AGBL1: variants seen among roughly 807,000 people sequenced by gnomAD.
The protein encoded by AGBL1 is AGBL carboxypeptidase 1, also known as cytosolic carboxypeptidase 4.
AGBL1 carries 130 observed loss-of-function variants against 118.9 expected under a neutral mutation model. The observed-to-expected ratio is 1.09, with a 90% CI of 0.95 to 1.26. The LOEUF (loss-of-function observed/expected upper bound fraction) is 1.26. Among genes scored for constraint, AGBL1 ranks in the 50% most tolerant of loss-of-function variants. AGBL1 has a pLI of 0.00. For missense variants in AGBL1, 1,584 were observed against 1,298.1 expected (o/e 1.22, Z -3.38); for synonymous variants, 555 against 478.9 (o/e 1.16, Z -2.08).
intron 5 of AGBL1, among the ~76,000 whole-genome samples, chr15:86,181,957 G>T (rs1271715532): frequency 6.6e-6 from 1 of 152,010 alleles, no homozygotes; most frequent in East Asian, 1.9e-4. Flanking sequence ...ATTAGATCAT[G>T]CATTCATTCA....
chr15:86,119,733 G>A (rs4887292), intron 1 of AGBL1, among the ~76,000 whole-genome samples: 9,448 of 151,854 alleles, frequency 0.062, 446 homozygotes, highest in South Asian at 0.12. Flanking sequence ...GTAGATAAAA[G>A]TTGTCCAGTA....
At chr15:86,964,852 A>C (rs560399295) in intron 23 of AGBL1, among the ~76,000 whole-genome samples, 16 of 151,424 alleles carry the variant, frequency 1.1e-4, no homozygotes, top group Non-Finnish European at 2.2e-4. Flanking sequence ...TCATTGTTCA[A>C]CTCCCACTTA....
At position 86,804,015 on chromosome 15, in the gene AGBL1, A is replaced by G. The variant is rs142012396; in HGVS notation, c.3159-103072A>G. On this transcript the variant is annotated intron_variant, in intron 22 of 22. Transcript: ENST00000614907. ...GTGCTTATAACAAGTCTGTTATCCA[A>G]TGGTTTGGTGAGTAGATTTCAGGAA... Among the ~76,000 whole-genome samples, 16 of 152,224 alleles carry G rather than the reference A, an allele frequency of 1.1e-4. No individual in the cohort carries two copies. In the East Asian group the frequency reaches 2.5e-3, roughly 24 times the overall value.
chr15:86,712,944 C>A (rs572154097), intron 22 of AGBL1, among the ~76,000 whole-genome samples: 1 of 152,100 alleles, frequency 6.6e-6, no homozygotes, highest in African/African-American at 2.4e-5. Flanking sequence ...CTGCATGATG[C>A]GATTTTAACA....
At position 86,279,626 on chromosome 15, in the gene AGBL1, C is replaced by T; in HGVS notation, c.2076-13C>T. 2 of 1,612,270 alleles carry T rather than the reference C, an allele frequency of 1.2e-6. No individual in the cohort carries two copies. The highest frequency in any genetic ancestry group is 1.7e-6 in the Non-Finnish European group (2 of 1,178,512). ...CTCCCTTATTCTCTTCTCTTCTCCTCCTCTCTCTTTAGAAATCATTATCGC... is the reference window on the plus strand; with the variant it reads ...CTCCCTTATTCTCTTCTCTTCTCCTTCTCTCTCTTTAGAAATCATTATCGC... On this transcript the variant is annotated splice_polypyrimidine_tract_variant and intron_variant, in intron 15 of 22. Coordinates refer to ENST00000614907, the MANE Select transcript of AGBL1 (RefSeq NM_001386094.1).
At chr15:86,208,713 C>T (rs752827831) in intron 5 of AGBL1, among the ~76,000 whole-genome samples, 1 of 151,936 alleles carries the variant, frequency 6.6e-6, no homozygotes, top group Non-Finnish European at 1.5e-5. Flanking sequence ...TCTCTCTTTT[C>T]TTCTTTATTA....
intron 17 of AGBL1, among the ~76,000 whole-genome samples, chr15:86,365,493 TG>T (rs1293938516): frequency 6.6e-6 from 1 of 152,160 alleles, no homozygotes; most frequent in Non-Finnish European, 1.5e-5. Context: ...AACAACTGTT[TG>T]GAAAAATAAA....
Position 86,418,788 on chromosome 15 carries a change from C to G in AGBL1, c.2555+21242C>G, listed in dbSNP as rs375840875. Among the ~76,000 whole-genome samples, 258 of 152,188 alleles carry G rather than the reference C, an allele frequency of 1.7e-3. 2 individuals are homozygous for G. Among genetic ancestry groups the G allele is most frequent in the African/African-American group, 6.1e-3 (252 of 41,522 alleles). On this transcript the variant is annotated intron_variant, in intron 18 of 22. Coordinates refer to ENST00000614907, the MANE Select transcript of AGBL1 (RefSeq NM_001386094.1). ...TGAGAACTTGCAGCACTTAGTCTTA[C>G]CTGTCCTCAGAATAGATCATTCATC... is the stretch of plus-strand genomic sequence containing the variant.
intron 5 of AGBL1, among the ~76,000 whole-genome samples, chr15:86,164,064 A>T (rs1428579124): frequency 6.6e-6 from 1 of 152,214 alleles, no homozygotes; most frequent in Non-Finnish European, 1.5e-5. Context: ...AGTTTCTCTC[A>T]CTGGAGGGAA....
In AGBL1 at chr15:86,191,348, C is replaced by CAA. The variant is rs869108108; in HGVS notation, c.488+32343_488+32344dup. ...GGGCGACAGGAGCAAAACTTTGTCTCAAAAAAAAAAAAAAAAAAAAAAGAG... is the reference window on the plus strand; with the variant it reads ...GGGCGACAGGAGCAAAACTTTGTCTCAAAAAAAAAAAAAAAAAAAAAAAAGAG... On this transcript the variant is annotated intron_variant, in intron 5 of 22. Coordinates refer to ENST00000614907, the MANE Select transcript of AGBL1 (RefSeq NM_001386094.1). Among the ~76,000 whole-genome samples the CAA allele has an allele frequency of 5.3e-3, 341 of 64,848 alleles. 11 individuals carry two copies. Among genetic ancestry groups the CAA allele is most frequent in the African/African-American group, 0.01 (125 of 11,994 alleles). 42.5% of individuals were successfully genotyped at this position (64,848 alleles called of 152,430 possible).
intron 22 of AGBL1, among the ~76,000 whole-genome samples, chr15:86,865,719 C>T (rs2079618546): frequency 6.6e-6 from 1 of 152,158 alleles, no homozygotes; most frequent in Admixed American, 6.5e-5. Context: ...CAGCAGAGTG[C>T]TATACACTGT....
At chr15:86,712,320 T>C (rs180981467) in intron 22 of AGBL1, among the ~76,000 whole-genome samples, 1 of 152,258 alleles carries the variant, frequency 6.6e-6, no homozygotes, top group East Asian at 1.9e-4. Flanking sequence ...TATGTTTCTT[T>C]CTTTGCTTGT....
At chr15:86,720,515 G>A (rs8039025) in intron 22 of AGBL1, among the ~76,000 whole-genome samples, 79 of 152,116 alleles carry the variant, frequency 5.2e-4, no homozygotes, top group African/African-American at 1.8e-3. Flanking sequence ...TTACTTCGCT[G>A]CCAATGGGGC....
chr15:86,610,454 C>G (rs922145952), intron 21 of AGBL1, among the ~76,000 whole-genome samples: 1 of 152,154 alleles, frequency 6.6e-6, no homozygotes, highest in African/African-American at 2.4e-5. Flanking sequence ...TGAAGAGACA[C>G]TTTCTTGGAT....
At chr15:86,778,158 G>A (rs989011377) in intron 22 of AGBL1, among the ~76,000 whole-genome samples, 54 of 152,252 alleles carry the variant, frequency 3.5e-4, no homozygotes, top group African/African-American at 1.3e-3. Context: ...TTTTCAAAAG[G>A]GGAGGGAGTG....
At chr15:86,212,217 T>C (rs1396101690) in intron 5 of AGBL1, among the ~76,000 whole-genome samples, 1 of 152,244 alleles carries the variant, frequency 6.6e-6, no homozygotes, top group Non-Finnish European at 1.5e-5. Context: ...GCTGAGATTT[T>C]AAAGATTATA....
intron 22 of AGBL1, among the ~76,000 whole-genome samples, chr15:86,752,074 T>G (rs917791928): frequency 6.6e-6 from 1 of 152,088 alleles, no homozygotes; most frequent in Non-Finnish European, 1.5e-5. Flanking sequence ...TGTCATTCTG[T>G]AAATCACACA....
chr15:86,812,929 A>T (rs1426003900), intron 22 of AGBL1, among the ~76,000 whole-genome samples: 1 of 149,026 alleles, frequency 6.7e-6, no homozygotes, highest in Admixed American at 6.7e-5. Context: ...TAAAGGAGAG[A>T]TTTTTTTTTT....
intron 21 of AGBL1, among the ~76,000 whole-genome samples, chr15:86,645,136 T>C (rs1410454296): frequency 6.6e-6 from 1 of 152,234 alleles, no homozygotes; most frequent in Non-Finnish European, 1.5e-5. Context: ...ATCTTCTTAA[T>C]GTTAAAACTT....
Sources: allele counts gnomAD v4.1 joint callset (sites outside exome capture counted in the v4.1 genomes callset), GRCh38; gene constraint gnomAD v4.1.1; transcripts MANE v1.5; gene names NCBI Gene and HGNC (gene_info 2026-07-23, HGNC 2026-07-21).